Variants in FER observed in about 807,000 individuals in gnomAD.
FER encodes FER tyrosine kinase, also known as tyrosine-protein kinase Fer.
FER carries 63 observed loss-of-function variants against 111.0 expected under a neutral mutation model. That is an observed-to-expected ratio of 0.57 (90% confidence interval 0.46 to 0.70). The LOEUF (loss-of-function observed/expected upper bound fraction) is 0.70. Among genes scored for constraint, FER ranks in the 30% least tolerant of loss-of-function variants. The pLI is 0.00. For missense variants in FER, 914 were observed against 954.0 expected (o/e 0.96, Z 0.55); for synonymous variants, 327 against 313.9 (o/e 1.04, Z -0.44).
chr5:108,897,885 A>T (rs370940862), intron 10 of FER, 37 bp downstream of exon 10: 2 of 1,532,658 alleles, frequency 1.3e-6, no homozygotes, highest in Non-Finnish European at 8.8e-7. Flanking sequence ...AACTTGGAAG[A>T]GTAGTGTCTA....
chr5:108,811,630 G>T (rs770603570), intron 3 of FER, among the ~76,000 whole-genome samples: 7 of 151,810 alleles, frequency 4.6e-5, no homozygotes, highest in East Asian at 1.9e-4. Flanking sequence ...ACCAATAGGA[G>T]ATATATATAT....
chr5:109,065,575 A>C (rs1561849155), intron 16 of FER, among the ~76,000 whole-genome samples: 1 of 152,234 alleles, frequency 6.6e-6, no homozygotes, highest in Non-Finnish European at 1.5e-5. Context: ...AAGGTAAATC[A>C]GCTGAGCTTG....
chr5:108,989,463 A>G (rs1168377030), intron 13 of FER, among the ~76,000 whole-genome samples: 1 of 152,036 alleles, frequency 6.6e-6, no homozygotes, highest in Non-Finnish European at 1.5e-5. Context: ...TCCAAAAAAT[A>G]TTTTATTATG....
intron 10 of FER, among the ~76,000 whole-genome samples, chr5:108,936,496 C>T (rs781285334): frequency 5.3e-5 from 8 of 151,820 alleles, no homozygotes; most frequent in Non-Finnish European, 8.8e-5. Flanking sequence ...ATGCTTATTG[C>T]CTGTTGACGT....
rs551798343 is a variant in FER at position 109,004,052 on chromosome 5, A to G, written c.1657-33370A>G. Reference sequence around the variant, plus strand: ...TCAAATTGACAAATATTAGAAAACAATAAATGTCATTGCTAATAATGGTAT... The same window carrying G: ...TCAAATTGACAAATATTAGAAAACAGTAAATGTCATTGCTAATAATGGTAT... On this transcript the variant is annotated intron_variant, in intron 13 of 19. Coordinates refer to ENST00000281092, the MANE Select transcript of FER (RefSeq NM_005246.4). Among the ~76,000 whole-genome samples, 77 of 152,328 alleles carry G rather than the reference A, an allele frequency of 5.1e-4. 1 individual carries two copies. The South Asian group carries it at 0.015, about 30-fold the overall frequency.
chr5:108,892,210 T>G (rs993020506), intron 9 of FER, among the ~76,000 whole-genome samples: 1 of 152,198 alleles, frequency 6.6e-6, no homozygotes, highest in Non-Finnish European at 1.5e-5. Flanking sequence ...CAAATGGTAT[T>G]TCTAGTTCTA....
At chr5:108,857,046 G>A (rs1217365828) in intron 5 of FER, among the ~76,000 whole-genome samples, 2 of 151,998 alleles carry the variant, frequency 1.3e-5, no homozygotes, top group African/African-American at 4.8e-5. Context: ...AATGTTGAAA[G>A]AATAGTAGAA....
In FER at chr5:109,187,759, A is replaced by AAAT. The variant is rs1366171368; in HGVS notation, c.*186_*188dup. The AAAT allele has an allele frequency of 1.4e-6, 1 of 694,206 alleles. No homozygotes were observed. Among genetic ancestry groups the AAAT allele is most frequent in the Non-Finnish European group, 2.3e-6 (1 of 426,588 alleles). The allele number at this position is 694,206 out of a possible 1,614,324, so 43.0% of individuals were successfully genotyped here. ...AAAGTCAAAGGCAAATTTGTTAAAGAAATAGGCAGTCCTACCAAGGGCTTT... is the reference window on the plus strand; with the variant it reads ...AAAGTCAAAGGCAAATTTGTTAAAGAAATAATAGGCAGTCCTACCAAGGGCTTT... On this transcript the variant is annotated 3_prime_UTR_variant, in exon 20 of 20. Coordinates refer to ENST00000281092, the MANE Select transcript of FER (RefSeq NM_005246.4).
At chr5:109,037,352 T>TG in intron 13 of FER, 70 bp from the exon 14 acceptor site, 4 of 1,330,946 alleles carry the variant, frequency 3.0e-6, no homozygotes, top group Non-Finnish European at 4.3e-6. Context: ...GACTTTCCAC[T>TG]GGCTCAAATG....
At chr5:108,982,435 A>C (rs949729080) in intron 13 of FER, among the ~76,000 whole-genome samples, 6 of 152,040 alleles carry the variant, frequency 3.9e-5, no homozygotes, top group African/African-American at 1.4e-4. Flanking sequence ...GACCTCTTTA[A>C]ACTTTAATCA....
chr5:109,083,286 A>T (rs187256861), intron 16 of FER, among the ~76,000 whole-genome samples: 1 of 152,206 alleles, frequency 6.6e-6, no homozygotes, highest in East Asian at 1.9e-4. Context: ...TTCTGTGTGT[A>T]ACATGCCTTG....
Position 109,192,754 on chromosome 5 carries a change from G to A in FER, c.*5179G>A, listed in dbSNP as rs1759465377. 6.6e-6 allele frequency: 1 copy of A among 152,066 alleles called. No individual in the cohort carries two copies. The highest frequency in any genetic ancestry group is 1.5e-5 in the Non-Finnish European group (1 of 68,000). The allele number at this position is 152,066 out of a possible 1,614,324, so 9.4% of individuals were successfully genotyped here. ...CCTTTGGACTAACGTTGACTAAATG[G>A]CTCCTAGAGTTACCCACAGAGGGAG... is the stretch of plus-strand genomic sequence containing the variant. On this transcript the variant is annotated 3_prime_UTR_variant, in exon 20 of 20. Transcript: ENST00000281092.
At chr5:108,869,051 A>AACTCCCATAAGTTTAATT (rs1180205417) in intron 6 of FER, among the ~76,000 whole-genome samples, 3 of 152,134 alleles carry the variant, frequency 2.0e-5, no homozygotes, top group African/African-American at 7.2e-5. Context: ...GGATATGAAT[A>AACTCCCATAAGTTTAATT]ACTCCCATAA....
chr5:109,003,561 A>C (rs1765099973), intron 13 of FER, among the ~76,000 whole-genome samples: 1 of 152,196 alleles, frequency 6.6e-6, no homozygotes, highest in African/African-American at 2.4e-5. Flanking sequence ...GCACATGTAT[A>C]CATATGTAAC....
chr5:109,095,279 A>C (rs1390629838), intron 16 of FER, among the ~76,000 whole-genome samples: 1 of 152,138 alleles, frequency 6.6e-6, no homozygotes, highest in Non-Finnish European at 1.5e-5. Context: ...AAAAGGAATC[A>C]GGAAAGCCAG....
chr5:108,854,346 G>C (rs577699958), intron 5 of FER, among the ~76,000 whole-genome samples: 2 of 152,146 alleles, frequency 1.3e-5, no homozygotes, highest in East Asian at 3.9e-4. Context: ...CGGCACTAGA[G>C]CCGTTTCAAA....
intron 13 of FER, among the ~76,000 whole-genome samples, chr5:108,973,782 A>AT (rs984747969): frequency 3.3e-5 from 5 of 152,086 alleles, no homozygotes; most frequent in African/African-American, 1.2e-4. Flanking sequence ...AAGAGGTATG[A>AT]TTTTCTCACT....
chr5:109,051,567 G>T, intron 16 of FER: 1 of 1,609,134 alleles, frequency 6.2e-7, no homozygotes, highest in Admixed American at 1.7e-5. Flanking sequence ...CGTAATTGCG[G>T]CAAGAAGAAT....
intron 13 of FER, among the ~76,000 whole-genome samples, chr5:109,005,974 A>G (rs1046044853): frequency 4.3e-4 from 65 of 152,248 alleles, no homozygotes; most frequent in Admixed American, 5.2e-4. Context: ...GGAATTGTAC[A>G]TTTTTAAAAT....
Sources: allele counts gnomAD v4.1 joint callset (sites outside exome capture counted in the v4.1 genomes callset), GRCh38; gene constraint gnomAD v4.1.1; transcripts MANE v1.5; gene names NCBI Gene and HGNC (gene_info 2026-07-23, HGNC 2026-07-21).